MCF2L: variants seen among roughly 807,000 people sequenced by gnomAD.
The protein encoded by MCF2L is MCF.2 cell line derived transforming sequence like, also known as guanine nucleotide exchange factor DBS.
In MCF2L, 97 loss-of-function variants were observed where a neutral mutation model predicts 153.4. The ratio of observed to expected loss-of-function variants is 0.63; its 90% CI spans 0.54 to 0.75. MCF2L has a LOEUF of 0.75. Among genes scored for constraint, MCF2L ranks in the 30% least tolerant of loss-of-function variants. MCF2L has a pLI of 0.00. For missense variants in MCF2L, 1,347 were observed against 1,495.2 expected (o/e 0.90, Z 1.64); for synonymous variants, 659 against 632.2 (o/e 1.04, Z -0.64).
Position 113,087,804 on chromosome 13 carries a change from G to GCCAC in MCF2L, c.2688+12_2688+15dup. 6.2e-7 allele frequency: 1 copy of GCCAC among 1,613,166 alleles called. No homozygotes were observed. Among genetic ancestry groups the GCCAC allele is most frequent in the Non-Finnish European group, 8.5e-7 (1 of 1,179,268 alleles). On this transcript the variant is annotated splice_donor_region_variant and intron_variant, in intron 23 of 29. Transcript: ENST00000535094. Reference sequence around the variant, plus strand: ...GAGGAGGTCTACATCGTCCAGGTGGGCCACCCACCCTACCCCTGGCCTCTT... The same window carrying GCCAC: ...GAGGAGGTCTACATCGTCCAGGTGGGCCACCCACCCACCCTACCCCTGGCCTCTT...
At chr13:113,076,920 C>G in intron 12 of MCF2L, 132 bp from the exon 13 acceptor site, 16 of 992,594 alleles carry the variant, frequency 1.6e-5, no homozygotes, top group Non-Finnish European at 2.4e-5. Flanking sequence ...AGCTGCGCTG[C>G]GCTGACAGAC....
intron 2 of MCF2L, among the ~76,000 whole-genome samples, chr13:112,911,645 C>T (rs892005388): frequency 2.0e-5 from 3 of 152,238 alleles, no homozygotes; most frequent in African/African-American, 4.8e-5. Context: ...GCCGTGGGCC[C>T]GGCACCCCCT....
intron 1 of MCF2L, among the ~76,000 whole-genome samples, chr13:112,982,998 G>A (rs911996001): frequency 6.6e-6 from 1 of 152,164 alleles, no homozygotes; most frequent in Non-Finnish European, 1.5e-5. Flanking sequence ...ACGCTCAGGA[G>A]GCGCTGGTTC....
intron 2 of MCF2L, among the ~76,000 whole-genome samples, chr13:112,905,428 G>C (rs2081163325): frequency 6.6e-6 from 1 of 152,188 alleles, no homozygotes; most frequent in Non-Finnish European, 1.5e-5. Context: ...ATTGGGAATG[G>C]ATGTGGGTTA....
chr13:113,021,124 A>G (rs758115071), intron 2 of MCF2L, among the ~76,000 whole-genome samples: 2 of 152,114 alleles, frequency 1.3e-5, no homozygotes, highest in African/African-American at 4.8e-5. Context: ...ATCCACATGC[A>G]TATGTGTGCA....
intron 2 of MCF2L, among the ~76,000 whole-genome samples, chr13:112,920,696 G>A (rs1382201836): frequency 6.7e-6 from 1 of 148,856 alleles, no homozygotes; most frequent in African/African-American, 2.5e-5. Context: ...GAGTTGGGTT[G>A]TGGGTGGGTG....
chr13:113,090,923 C>G (rs1451839373), intron 26 of MCF2L: 38 of 1,188,506 alleles, frequency 3.2e-5, no homozygotes, highest in Non-Finnish European at 3.8e-5. Flanking sequence ...CACTCCCATG[C>G]CCTCCCGGCC....
intron 1 of MCF2L, among the ~76,000 whole-genome samples, chr13:112,973,791 C>T (rs1053197336): frequency 1.3e-5 from 2 of 152,200 alleles, no homozygotes; most frequent in Non-Finnish European, 2.9e-5. Flanking sequence ...GGGGCTGGCG[C>T]TGAGTGACCA....
intron 1 of MCF2L, among the ~76,000 whole-genome samples, chr13:112,988,390 G>A (rs1366363490): frequency 1.3e-5 from 2 of 152,220 alleles, no homozygotes; most frequent in Admixed American, 6.5e-5. Context: ...AGCAGGGCCC[G>A]GGCACGTGAA....
intron 1 of MCF2L, 152 bp from the exon 2 acceptor site, chr13:113,014,611 C>T (rs976246906): frequency 3.0e-5 from 18 of 606,012 alleles, no homozygotes; most frequent in South Asian, 5.9e-5. Context: ...AAGGCCTCCA[C>T]GTATTGGAAA....
At position 112,913,917 on chromosome 13, in the gene MCF2L, G is replaced by A. The variant is rs138572152; in HGVS notation, c.169+11546G>A. ...CGCTCACTTGACAGGCAGACGTTGG[G>A]ACTATGTTCTTTTCCTGCCAAGAAT... is the stretch of plus-strand genomic sequence containing the variant. On this transcript the variant is annotated intron_variant, in intron 2 of 29. Coordinates refer to the MCF2L transcript ENST00000375608. Among the ~76,000 whole-genome samples the A allele has an allele frequency of 5.2e-3, 785 of 152,258 alleles. 2 individuals carry two copies. Among genetic ancestry groups the A allele is most frequent in the Middle Eastern group, 0.014 (4 of 294 alleles).
At chr13:113,039,665 G>A (rs2086360702) in intron 3 of MCF2L, among the ~76,000 whole-genome samples, 1 of 142,522 alleles carries the variant, frequency 7.0e-6, no homozygotes, top group Non-Finnish European at 1.6e-5. Context: ...ATGTGAACAG[G>A]CATATCATAA....
At chr13:112,924,006 T>C (rs1010334349) in intron 2 of MCF2L, among the ~76,000 whole-genome samples, 12 of 152,174 alleles carry the variant, frequency 7.9e-5, no homozygotes, top group African/African-American at 2.9e-4. Flanking sequence ...GAAATGCTGA[T>C]GTGTCCTTCC....
At position 112,939,694 on chromosome 13, in the gene MCF2L, C is replaced by G. The variant is rs548146509; in HGVS notation, c.169+37323C>G. ...TCTTCTTAGTATCAAAAGTGCTAGG[C>G]AAGCCGGATGCAGTGGCTCACGCCT... is the stretch of plus-strand genomic sequence containing the variant. On this transcript the variant is annotated intron_variant, in intron 2 of 29. Coordinates refer to the MCF2L transcript ENST00000375608. Among the ~76,000 whole-genome samples, 8 of 152,306 alleles carry G rather than the reference C, an allele frequency of 5.3e-5. No homozygotes were observed. In the South Asian group the frequency reaches 1.7e-3, roughly 32 times the overall value.
At chr13:113,084,315 G>A (rs12861060) in intron 18 of MCF2L, among the ~76,000 whole-genome samples, 38 of 32,582 alleles carry the variant, frequency 1.2e-3, no homozygotes, top group Non-Finnish European at 1.1e-3. Context: ...TGTACCCCAG[G>A]ACCTCCTGTA....
chr13:113,002,847 G>C (rs1047010739), intron 1 of MCF2L, among the ~76,000 whole-genome samples: 16 of 152,174 alleles, frequency 1.1e-4, no homozygotes, highest in African/African-American at 3.9e-4. Flanking sequence ...CAACGGCAAT[G>C]AATGAACATC....
chr13:113,090,833 T>A, intron 26 of MCF2L: 1 of 1,098,378 alleles, frequency 9.1e-7, no homozygotes, highest in Non-Finnish European at 1.1e-6. Context: ...ATTCTGGTGC[T>A]GCAAACTCTG....
At chr13:112,955,026 T>C (rs1272911473) in intron 2 of MCF2L, among the ~76,000 whole-genome samples, 1 of 152,194 alleles carries the variant, frequency 6.6e-6, no homozygotes, top group Non-Finnish European at 1.5e-5. Context: ...GATACTTGCA[T>C]GCATCAGACC....
chr13:113,082,268 T>G (rs955008548), intron 16 of MCF2L, among the ~76,000 whole-genome samples, 159 bp from the exon 17 acceptor site: 1 of 152,344 alleles, frequency 6.6e-6, no homozygotes, highest in Admixed American at 6.5e-5. Flanking sequence ...TTCATAATGC[T>G]TTTGCTTTGA....
Sources: gnomAD v4.1 joint callset for allele counts (sites outside exome capture counted in the v4.1 genomes callset) on GRCh38, gnomAD v4.1.1 for gene constraint, MANE v1.5 for transcripts, NCBI Gene and HGNC (gene_info 2026-07-23, HGNC 2026-07-21) for gene names.